The following THADA variants were observed in gnomAD, a reference collection of about 807,000 sequenced individuals.
THADA encodes the protein THADA armadillo repeat containing.
In THADA, 213 loss-of-function variants were observed where a neutral mutation model predicts 219.8. The observed-to-expected ratio is 0.97, with a 90% CI of 0.87 to 1.09. The LOEUF is 1.09. Ranked by LOEUF, THADA falls within the 50% of genes least tolerant of loss-of-function variation. The pLI is 0.00. For missense variants in THADA, 2,956 were observed against 2,311.3 expected (o/e 1.28, Z -5.72); for synonymous variants, 1,018 against 828.9 (o/e 1.23, Z -3.92).
At chr2:43,432,181 G>T (rs893481693) in intron 26 of THADA, among the ~76,000 whole-genome samples, 1 of 150,324 alleles carries the variant, frequency 6.7e-6, no homozygotes, top group Non-Finnish European at 1.5e-5. Flanking sequence ...TATTGGAGAC[G>T]GGGTTTCACC....
intron 26 of THADA, among the ~76,000 whole-genome samples, chr2:43,434,332 A>G (rs532674060): frequency 7.7e-4 from 117 of 152,300 alleles, no homozygotes; most frequent in Non-Finnish European, 8.1e-4. Context: ...AAGTGCTGGG[A>G]GGAGAAGGGC....
intron 22 of THADA, among the ~76,000 whole-genome samples, chr2:43,509,308 C>G (rs1690087598): frequency 1.3e-5 from 2 of 152,160 alleles, no homozygotes; most frequent in African/African-American, 4.8e-5. Context: ...GAGGCATAAA[C>G]ATTTTGAGGC....
intron 17 of THADA, 143 bp downstream of exon 17, chr2:43,556,199 CATA>C: frequency 7.0e-7 from 1 of 1,432,334 alleles, no homozygotes; most frequent in Non-Finnish European, 9.2e-7. Flanking sequence ...TGTTCATTTG[CATA>C]ATGAGAACCC....
At chr2:43,485,457 T>C in intron 25 of THADA, 132 bp from the exon 26 acceptor site, 1 of 649,112 alleles carries the variant, frequency 1.5e-6, no homozygotes, top group Non-Finnish European at 2.6e-6. Flanking sequence ...CAGATTTGTG[T>C]TCATAAAATA....
At chr2:43,580,711 T>C (rs112283360) in intron 8 of THADA, among the ~76,000 whole-genome samples, 25,484 of 151,186 alleles carry the variant, frequency 0.17, 2,797 homozygotes, top group African/African-American at 0.31. Context: ...CCCGTCTATA[T>C]TAAAAATACA....
chr2:43,537,142 A>G (rs1042122142), intron 21 of THADA, among the ~76,000 whole-genome samples: 1 of 152,216 alleles, frequency 6.6e-6, no homozygotes, highest in African/African-American at 2.4e-5. Flanking sequence ...GATTTCTTCA[A>G]AGCTCAAACA....
chr2:43,511,621 T>G (rs1210384317), intron 22 of THADA, among the ~76,000 whole-genome samples: 2 of 144,810 alleles, frequency 1.4e-5, no homozygotes, highest in African/African-American at 5.2e-5. Flanking sequence ...CTAGTAAGAC[T>G]GTTTTTTGCT....
intron 22 of THADA, among the ~76,000 whole-genome samples, chr2:43,517,246 A>G (rs1262424385): frequency 6.6e-6 from 1 of 152,158 alleles, no homozygotes; most frequent in Non-Finnish European, 1.5e-5. Context: ...CTATTAATAA[A>G]CTGCTTTCTT....
In THADA at chr2:43,358,758, A is replaced by C. The variant is rs185122031; in HGVS notation, c.4228-14521T>G. Among the ~76,000 whole-genome samples the C allele has an allele frequency of 2.0e-5, 3 of 152,314 alleles. No individual in the cohort carries two copies. The East Asian group carries it at 5.8e-4, about 29-fold the overall frequency. On this transcript the variant is annotated intron_variant, in intron 29 of 37. Transcript: ENST00000405975. ...CCCAAAACCTGAGTGGGCCTGAGACAGCCTCAGGAGTTTGCTGGCTTCCAA... is the reference window on the plus strand; with the variant it reads ...CCCAAAACCTGAGTGGGCCTGAGACCGCCTCAGGAGTTTGCTGGCTTCCAA...
At chr2:43,476,836 T>C (rs781582917) in intron 26 of THADA, among the ~76,000 whole-genome samples, 2 of 152,146 alleles carry the variant, frequency 1.3e-5, no homozygotes, top group South Asian at 4.1e-4. Context: ...GGTCAAATCA[T>C]TGGGAAAATG....
intron 29 of THADA, among the ~76,000 whole-genome samples, chr2:43,383,369 G>A (rs1033562950): frequency 1.3e-5 from 2 of 152,120 alleles, no homozygotes; most frequent in African/African-American, 4.8e-5. Flanking sequence ...AGAATTACGT[G>A]ACAGCTAGAA....
At chr2:43,485,811 C>CTTGAGGCCAGGAGT (rs1553460507) in intron 25 of THADA, among the ~76,000 whole-genome samples, 15 of 151,634 alleles carry the variant, frequency 9.9e-5, no homozygotes, top group Admixed American at 9.9e-4. Flanking sequence ...GGAAGGACTG[C>CTTGAGGCCAGGAGT]TTGAGGCCAG....
chr2:43,472,034 A>G (rs1240664476), intron 26 of THADA, among the ~76,000 whole-genome samples: 1 of 152,220 alleles, frequency 6.6e-6, no homozygotes, highest in African/African-American at 2.4e-5. Flanking sequence ...ACAAAGAGTG[A>G]TATTATACAC....
intron 26 of THADA, among the ~76,000 whole-genome samples, chr2:43,484,921 T>G (rs1269278317): frequency 6.8e-6 from 1 of 148,144 alleles, no homozygotes; most frequent in Non-Finnish European, 1.5e-5. Context: ...ATTTCAGGAC[T>G]ACTTAAAGAA....
intron 26 of THADA, 94 bp from the exon 27 acceptor site, chr2:43,430,396 G>T: frequency 1.5e-6 from 1 of 646,560 alleles, no homozygotes. Flanking sequence ...AAGTACGGTT[G>T]TTTGGATATT....
At chr2:43,569,003 G>A (rs1009200801) in intron 14 of THADA, among the ~76,000 whole-genome samples, 1 of 152,020 alleles carries the variant, frequency 6.6e-6, no homozygotes, top group Non-Finnish European at 1.5e-5. Context: ...GGGTCTCGCT[G>A]CTCTGTTGCT....
At position 43,574,812 on chromosome 2, in the gene THADA, A is replaced by G; in HGVS notation, c.1253T>C (p.Leu418Pro). Residue 418 changes from leucine to proline, a missense_variant, in exon 11 of 38, where the codon CTT (leucine) becomes CCT (proline). Coordinates refer to ENST00000405975, the MANE Select transcript of THADA (RefSeq NM_022065.5). Reference sequence around the variant, plus strand: ...CACAGTGAGCCGGTGCATTTGGAGAAGGTTTTTGAACATGATTTTGGTTTG... The same window carrying G: ...CACAGTGAGCCGGTGCATTTGGAGAGGGTTTTTGAACATGATTTTGGTTTG... ...RHQTKIMFKN[L>P]LQMHRLTVEG... 1.2e-6 allele frequency: 2 copies of G among 1,614,030 alleles called. No homozygotes were observed. Among genetic ancestry groups the G allele is most frequent in the Non-Finnish European group, 1.7e-6 (2 of 1,179,902 alleles).
At chr2:43,364,171 C>T (rs1669855703) in intron 29 of THADA, among the ~76,000 whole-genome samples, 1 of 152,006 alleles carries the variant, frequency 6.6e-6, no homozygotes, top group South Asian at 2.1e-4. Flanking sequence ...ATGCAGTGAG[C>T]CGAGATCTGC....
intron 30 of THADA, among the ~76,000 whole-genome samples, chr2:43,322,032 T>A (rs142470267): frequency 1.5e-3 from 228 of 152,234 alleles, no homozygotes; most frequent in Admixed American, 3.1e-3. Flanking sequence ...ATGAAAAATA[T>A]GTATCAGATA....
Sources: allele counts gnomAD v4.1 joint callset (sites outside exome capture counted in the v4.1 genomes callset), GRCh38; gene constraint gnomAD v4.1.1; transcripts MANE v1.5; gene names NCBI Gene and HGNC (gene_info 2026-07-23, HGNC 2026-07-21).